The following PARP14 variants were observed in gnomAD, a reference collection of about 807,000 sequenced individuals.
The protein encoded by PARP14 is poly(ADP-ribose) polymerase family member 14, also known as protein mono-ADP-ribosyltransferase PARP14.
Under a neutral mutation model 154.2 loss-of-function variants are expected in PARP14, and 59 were observed. That is an observed-to-expected ratio of 0.38 (90% confidence interval 0.31 to 0.48). The LOEUF (loss-of-function observed/expected upper bound fraction) is 0.48. Ranked by LOEUF, PARP14 falls within the 20% of genes least tolerant of loss-of-function variation. The pLI, the probability that PARP14 is intolerant of heterozygous loss-of-function variation, is 0.98. For missense variants in PARP14, 1,734 were observed against 2,131.6 expected (o/e 0.81, Z 3.67); for synonymous variants, 720 against 780.5 (o/e 0.92, Z 1.29).
intron 5 of PARP14, among the ~76,000 whole-genome samples, chr3:122,697,911 C>T (rs889314809): frequency 6.6e-6 from 1 of 152,220 alleles, no homozygotes; most frequent in Non-Finnish European, 1.5e-5. Context: ...GAGTTTGATT[C>T]CTGGCCTTGG....
intron 1 of PARP14, among the ~76,000 whole-genome samples, chr3:122,683,655 G>A (rs1938283602): frequency 6.6e-6 from 1 of 152,198 alleles, no homozygotes; most frequent in Non-Finnish European, 1.5e-5. Flanking sequence ...ACTTGGGTAA[G>A]GGAGGTTGGA....
intron 15 of PARP14, chr3:122,720,648 A>G (rs2107654357): frequency 2.0e-6 from 1 of 511,408 alleles, no homozygotes; most frequent in Non-Finnish European, 3.6e-6. Flanking sequence ...AAGCAAGCTA[A>G]TACAAATTCA....
chr3:122,711,374 T>G (rs1247901780), intron 9 of PARP14, among the ~76,000 whole-genome samples: 2 of 152,232 alleles, frequency 1.3e-5, no homozygotes, highest in African/African-American at 4.8e-5. Context: ...ATTCAGTTTA[T>G]GTGATGTATC....
chr3:122,712,160 GT>G (rs2107650124), intron 9 of PARP14, among the ~76,000 whole-genome samples: 2 of 151,402 alleles, frequency 1.3e-5, no homozygotes, highest in South Asian at 4.2e-4. Flanking sequence ...ATTCAAATGT[GT>G]TTACTTTGAC....
chr3:122,727,018 A>G (rs1933305044), intron 15 of PARP14, among the ~76,000 whole-genome samples: 1 of 150,358 alleles, frequency 6.7e-6, no homozygotes, highest in Admixed American at 6.7e-5. Flanking sequence ...AAAAAGAACC[A>G]GATGATGGCA....
chr3:122,726,445 CT>C (rs1255852117), intron 15 of PARP14, among the ~76,000 whole-genome samples: 6 of 152,220 alleles, frequency 3.9e-5, no homozygotes, highest in African/African-American at 1.2e-4. Context: ...CTTCCCTTCT[CT>C]CTGCAATCTT....
chr3:122,693,347 A>C (rs1032450881), intron 4 of PARP14, among the ~76,000 whole-genome samples: 2 of 152,202 alleles, frequency 1.3e-5, no homozygotes, highest in African/African-American at 2.4e-5. Flanking sequence ...AGCCTTCACT[A>C]TTCCATGGCC....
chr3:122,707,779 A>T (rs1939206736), intron 8 of PARP14, among the ~76,000 whole-genome samples: 1 of 152,172 alleles, frequency 6.6e-6, no homozygotes, highest in South Asian at 2.1e-4. Context: ...AGCCTGGGCG[A>T]CACCCCAGCC....
rs944789941 is a variant in PARP14, at chr3:122,700,728, T to G, written c.2174T>G (p.Leu725Arg). The G allele has an allele frequency of 1.2e-6, 2 of 1,613,044 alleles. No individual in the cohort carries two copies. Among genetic ancestry groups the G allele is most frequent in the African/African-American group, 2.7e-5 (2 of 74,918 alleles). The change falls in exon 6 of 17, where the codon CTG (leucine) becomes CGG (arginine). Residue 725 changes from leucine (L) to arginine (R), a missense_variant. Physicochemically the swap from Leu to Arg is moderately radical, Grantham distance 102. Transcript: ENST00000474629. ...CTAACTGGCTCAAAGACCGAAGTAC[T>G]GAAGGCAGTGGACATTGTCAAGCAA... ...ILLTGSKTEVLKAVDIVKQVW... is the reference protein window; with the variant it reads ...ILLTGSKTEVRKAVDIVKQVW...
At chr3:122,686,389 A>G (rs1224941743) in intron 2 of PARP14, among the ~76,000 whole-genome samples, 2 of 152,002 alleles carry the variant, frequency 1.3e-5, no homozygotes, top group Non-Finnish European at 2.9e-5. Context: ...TGCTGGGCTC[A>G]TGTGATCCAC....
At chr3:122,725,862 T>A (rs1428792261) in intron 15 of PARP14, among the ~76,000 whole-genome samples, 1 of 152,204 alleles carries the variant, frequency 6.6e-6, no homozygotes, top group African/African-American at 2.4e-5. Context: ...TGTTCTTTTT[T>A]ATCTTTTCCT....
chr3:122,721,164 T>C, intron 15 of PARP14: 1 of 306,756 alleles, frequency 3.3e-6, no homozygotes, highest in South Asian at 2.6e-5. Flanking sequence ...TTTGTCTCTG[T>C]ACCTCACCAG....
At chr3:122,722,510 G>A (rs1377539176) in intron 15 of PARP14, 1 of 152,208 alleles carries the variant, frequency 6.6e-6, no homozygotes, top group Non-Finnish European at 1.5e-5. Context: ...CCTGGCCAGA[G>A]AATTGATTTC....
chr3:122,714,897 C>G (rs1034432412), intron 12 of PARP14, among the ~76,000 whole-genome samples: 5 of 152,220 alleles, frequency 3.3e-5, no homozygotes, highest in African/African-American at 1.2e-4. Context: ...TTCAGCTCAA[C>G]AGTCAGCTGT....
Position 122,695,633 on chromosome 3 carries a change from C to T in PARP14, c.806C>T (p.Ser269Leu), listed in dbSNP as rs753993058. ...GTTGAATATTTTCCTGAAGAGAGTT[C>T]AGCTCTGATTGAATTTTTTGACAGA... ...ANVEYFPEES[S>L]ALIEFFDRKV... The change falls in exon 5 of 17, where the codon TCA (serine) becomes TTA (leucine). Residue 269 changes from serine (S) to leucine (L), a missense_variant. By Grantham distance (145) the Ser-to-Leu change is moderately radical. Transcript: ENST00000474629. 14 of 1,593,096 alleles carry T rather than the reference C, an allele frequency of 8.8e-6. No homozygotes were observed. In the Admixed American group the frequency reaches 2.0e-4, roughly 23 times the overall value.
chr3:122,703,388 A>G (rs1265344900), intron 6 of PARP14, among the ~76,000 whole-genome samples: 1 of 151,906 alleles, frequency 6.6e-6, no homozygotes, highest in Non-Finnish European at 1.5e-5. Context: ...CTCACAACCC[A>G]CCATGCCTAT....
intron 10 of PARP14, 45 bp from the exon 11 acceptor site, chr3:122,713,827 T>A (rs1399723993): frequency 7.5e-7 from 1 of 1,340,526 alleles, no homozygotes; most frequent in African/African-American, 1.4e-5. Flanking sequence ...TATACCATAG[T>A]GGTTTTTTAC....
chr3:122,692,065 T>C (rs1341677543), intron 3 of PARP14, among the ~76,000 whole-genome samples: 1 of 152,144 alleles, frequency 6.6e-6, no homozygotes, highest in Non-Finnish European at 1.5e-5. Flanking sequence ...ATCTTGAAAA[T>C]ACAGACCTAT....
chr3:122,717,266 T>C (rs1933024230), intron 12 of PARP14, among the ~76,000 whole-genome samples: 1 of 152,216 alleles, frequency 6.6e-6, no homozygotes, highest in Non-Finnish European at 1.5e-5. Flanking sequence ...CAAGGAACTT[T>C]TACATTGCCC....
Sources: allele counts gnomAD v4.1 joint callset (sites outside exome capture counted in the v4.1 genomes callset), GRCh38; gene constraint gnomAD v4.1.1; transcripts MANE v1.5; gene names NCBI Gene and HGNC (gene_info 2026-07-23, HGNC 2026-07-21).